The following BNC2 variants were observed in gnomAD, a reference collection of about 807,000 sequenced individuals.
BNC2 encodes basonuclin zinc finger protein 2.
Under a neutral mutation model 76.3 loss-of-function variants are expected in BNC2, and 20 were observed. The ratio of observed to expected loss-of-function variants is 0.26; its 90% CI spans 0.18 to 0.38. The LOEUF is 0.38. Among genes scored for constraint, BNC2 ranks in the 10% least tolerant of loss-of-function variants. The pLI is 1.00. For synonymous variants in BNC2, 582 were observed against 514.8 expected (o/e 1.13, Z -1.77); for missense variants, 1,382 against 1,399.8 (o/e 0.99, Z 0.20).
At chr9:16,603,852 C>G (rs1316996772) in intron 3 of BNC2, among the ~76,000 whole-genome samples, 3 of 147,212 alleles carry the variant, frequency 2.0e-5, no homozygotes, top group Non-Finnish European at 3.0e-5. Flanking sequence ...ATTTTCAAAC[C>G]TCTCTCAAAT....
chr9:16,507,404 C>A (rs186893942), intron 5 of BNC2, among the ~76,000 whole-genome samples: 1 of 151,948 alleles, frequency 6.6e-6, no homozygotes, highest in Non-Finnish European at 1.5e-5. Context: ...AGGCTACAGG[C>A]GCATGCCCCC....
Position 16,419,188 on chromosome 9 carries a change from C to G in BNC2, c.3101G>C (p.Gly1034Ala). Residue 1034 changes from glycine to alanine, a missense_variant, in exon 7 of 7, where the codon GGG (glycine) becomes GCG (alanine). Physicochemically the swap from Gly to Ala is moderately conservative, Grantham distance 60 (BLOSUM62 0). Transcript: ENST00000380672. ...TTTGTGGCAAATGTTGCACATGATCCCACCATTGCTCCCAGACAAGCTGCT... is the reference window on the plus strand; with the variant it reads ...TTTGTGGCAAATGTTGCACATGATCGCACCATTGCTCCCAGACAAGCTGCT... The part of the protein sequence containing the change: ...MFSSLSGSNG[G>A]IMCNICHKMY... 1 of 1,614,160 alleles carries G rather than the reference C, an allele frequency of 6.2e-7. No homozygotes were observed. Among genetic ancestry groups the G allele is most frequent in the Non-Finnish European group, 8.5e-7 (1 of 1,180,040 alleles).
chr9:16,441,281 G>A (rs1001241848), intron 5 of BNC2, among the ~76,000 whole-genome samples: 3 of 152,200 alleles, frequency 2.0e-5, no homozygotes, highest in Non-Finnish European at 4.4e-5. Context: ...TCCAGCCTGA[G>A]CAACAGAGCA....
chr9:16,546,625 G>C (rs1051480644), intron 5 of BNC2, among the ~76,000 whole-genome samples: 1 of 152,186 alleles, frequency 6.6e-6, no homozygotes, highest in African/African-American at 2.4e-5. Flanking sequence ...ACAAAATGGA[G>C]TATCAGGAAA....
At chr9:16,765,782 A>AT (rs762499077) in intron 1 of BNC2, among the ~76,000 whole-genome samples, 21 of 134,804 alleles carry the variant, frequency 1.6e-4, no homozygotes, top group South Asian at 5.2e-4. Context: ...CACTCTCGTA[A>AT]TTTTTTTTTT....
chr9:16,814,208 G>A (rs1818126008), intron 1 of BNC2, among the ~76,000 whole-genome samples: 3 of 152,188 alleles, frequency 2.0e-5, no homozygotes, highest in Admixed American at 2.0e-4. Flanking sequence ...TTTTTGCCTT[G>A]TCTATAAGGT....
At chr9:16,511,193 T>C (rs567940148) in intron 5 of BNC2, among the ~76,000 whole-genome samples, 1 of 146,108 alleles carries the variant, frequency 6.8e-6, no homozygotes, top group Admixed American at 7.0e-5. Flanking sequence ...CACTACAGCC[T>C]CAAACTCCTG....
chr9:16,799,790 T>C (rs1256517030), intron 1 of BNC2, among the ~76,000 whole-genome samples: 2 of 152,282 alleles, frequency 1.3e-5, no homozygotes, highest in African/African-American at 2.4e-5. Flanking sequence ...AACAATAATC[T>C]ATAGTGAATA....
chr9:16,768,117 C>G (rs944315906), intron 1 of BNC2, among the ~76,000 whole-genome samples: 1 of 151,982 alleles, frequency 6.6e-6, no homozygotes, highest in Non-Finnish European at 1.5e-5. Context: ...AGGCACCCAC[C>G]ACCACGCCTG....
At chr9:16,582,931 A>ACG in intron 4 of BNC2, 52 bp downstream of exon 4, 3 of 1,342,648 alleles carry the variant, frequency 2.2e-6, no homozygotes, top group Non-Finnish European at 3.2e-6. Context: ...ACACACACAC[A>ACG]CACGAACATG....
At chr9:16,500,444 T>C (rs1020676446) in intron 5 of BNC2, among the ~76,000 whole-genome samples, 30 of 152,212 alleles carry the variant, frequency 2.0e-4, no homozygotes, top group African/African-American at 6.8e-4. Context: ...TTTTTTTCTT[T>C]GATTTTCTAA....
chr9:16,516,825 T>G (rs1326835501), intron 5 of BNC2, among the ~76,000 whole-genome samples: 1 of 152,224 alleles, frequency 6.6e-6, no homozygotes, highest in Non-Finnish European at 1.5e-5. Context: ...CTCTTATGCT[T>G]ATTCCAAATG....
chr9:16,520,268 G>C (rs1439339450), intron 5 of BNC2, among the ~76,000 whole-genome samples: 2 of 152,116 alleles, frequency 1.3e-5, no homozygotes, highest in Non-Finnish European at 2.9e-5. Flanking sequence ...CTTGTCATAA[G>C]GGTCACAGAA....
chr9:16,843,594 G>A (rs1168560630), intron 1 of BNC2, among the ~76,000 whole-genome samples: 1 of 152,190 alleles, frequency 6.6e-6, no homozygotes, highest in African/African-American at 2.4e-5. Context: ...TTGGCCTCCT[G>A]AAGTACTGGG....
In BNC2 at chr9:16,686,888, T is replaced by C. The variant is rs1822994320; in HGVS notation, c.330+40909A>G. 3.3e-5 allele frequency among the ~76,000 whole-genome samples: 5 copies of C among 152,210 alleles called. 2 individuals carry two copies. In the South Asian group the frequency reaches 1.0e-3, roughly 32 times the overall value. ...TTCTTTTCAAGTCTTTTATTCTTCT[T>C]TACTAGGCTCATAAGGTGAAATGGA... On this transcript the variant is annotated intron_variant, in intron 3 of 6. Coordinates refer to ENST00000380672, the MANE Select transcript of BNC2 (RefSeq NM_017637.6).
In BNC2 at chr9:16,412,723, GAGAGAGAGAGAGAGAGAGAGAGA is replaced by G. The variant is rs1820492200; in HGVS notation, c.*6243_*6265del. ...AAGAGGGAAGGAGAGAGAGAGGGGA[GAGAGAGAGAGAGAGAGAGAGAGA>G]GAGAGAGAGAGAGAGAGAGACTGAC... is the stretch of plus-strand genomic sequence containing the variant. On this transcript the variant is annotated 3_prime_UTR_variant, in exon 7 of 7. Transcript: ENST00000380672. The G allele has an allele frequency of 2.2e-4, 4 of 18,500 alleles. No individual in the cohort carries two copies. In the African/African-American group the frequency reaches 3.8e-3, roughly 18 times the overall value. The allele number at this position is 18,500 out of a possible 1,614,324, so 1.1% of individuals were successfully genotyped here.
At chr9:16,809,235 G>A (rs988526685) in intron 1 of BNC2, among the ~76,000 whole-genome samples, 1 of 152,100 alleles carries the variant, frequency 6.6e-6, no homozygotes, top group African/African-American at 2.4e-5. Flanking sequence ...AATGAGATAA[G>A]AGCCAAAAAC....
chr9:16,462,370 G>C (rs921871486), intron 5 of BNC2, among the ~76,000 whole-genome samples: 7 of 152,118 alleles, frequency 4.6e-5, no homozygotes, highest in African/African-American at 1.7e-4. Flanking sequence ...TTTATATTGA[G>C]ATAAAGCACC....
intron 3 of BNC2, among the ~76,000 whole-genome samples, chr9:16,655,573 A>C (rs1821907656): frequency 6.6e-6 from 1 of 152,178 alleles, no homozygotes; most frequent in Non-Finnish European, 1.5e-5. Context: ...CACAAAACAA[A>C]ATTCAAGCAT....
Sources: allele counts gnomAD v4.1 joint callset (sites outside exome capture counted in the v4.1 genomes callset), GRCh38; gene constraint gnomAD v4.1.1; transcripts MANE v1.5; gene names NCBI Gene and HGNC (gene_info 2026-07-23, HGNC 2026-07-21).